The following SH3BP4 variants were observed in gnomAD, a reference collection of about 807,000 sequenced individuals.
The protein encoded by SH3BP4 is SH3 domain-binding protein 4.
SH3BP4 carries 33 observed loss-of-function variants against 65.5 expected under a neutral mutation model. The observed-to-expected ratio is 0.50, with a 90% confidence interval of 0.38 to 0.67. SH3BP4 has a LOEUF of 0.67. Among genes scored for constraint, SH3BP4 ranks in the 30% least tolerant of loss-of-function variants. The pLI is 0.00. For missense variants in SH3BP4, 1,134 were observed against 1,261.4 expected, an observed-to-expected ratio of 0.90 and a Z score of 1.53; for synonymous variants, 552 against 545.5, an observed-to-expected ratio of 1.01 and a Z score of -0.17.
chr2:235,012,250 G>A (rs988282838), intron 2 of SH3BP4, among the ~76,000 whole-genome samples: 3 of 152,132 alleles, frequency 2.0e-5, no homozygotes, highest in African/African-American at 7.2e-5. Context: ...CATCCCTGGG[G>A]TCCCTGCTGC....
intron 3 of SH3BP4, among the ~76,000 whole-genome samples, chr2:235,038,366 AATATATATACATATATATATATAT>A (rs1695503411): frequency 2.5e-5 from 1 of 39,684 alleles, no homozygotes; most frequent in African/African-American, 1.2e-4. Context: ...ATATATATAT[AATATATATACATATATATATATAT>A]ATATATATAT....
Position 235,035,300 on chromosome 2 carries a change from T to C in SH3BP4, c.118+180T>C, listed in dbSNP as rs1382096172. ...TGGAATCATAGTCACTTGTCTTATT[T>C]TTTGGTTCCCCCTTATTAGTGAAAC... On this transcript the variant is annotated intron_variant, in intron 3 of 5. Coordinates refer to ENST00000392011, the MANE Select transcript of SH3BP4 (RefSeq NM_014521.3). The surrounding 1 kb of genome is among the most constrained non-coding windows in gnomAD (Gnocchi z 5.0). Among the ~76,000 whole-genome samples the C allele has an allele frequency of 3.9e-5, 6 of 152,232 alleles. No individual in the cohort carries two copies. The East Asian group carries it at 5.8e-4, about 15-fold the overall frequency.
intron 2 of SH3BP4, among the ~76,000 whole-genome samples, chr2:235,007,003 G>A (rs139427360): frequency 5.3e-4 from 80 of 152,220 alleles, no homozygotes; most frequent in African/African-American, 1.9e-3. Flanking sequence ...AGACTTAAAC[G>A]AGCTGACGGA....
In SH3BP4 at chr2:234,982,170, C is replaced by A. The variant is rs911592863; in HGVS notation, c.-206-13133C>A. ...TTCTGGGTTTTGTCTAGAGACCTCTCCCGGCCCAGCTACACTTTGAAGCCC... is the reference window on the plus strand; with the variant it reads ...TTCTGGGTTTTGTCTAGAGACCTCTACCGGCCCAGCTACACTTTGAAGCCC... On this transcript the variant is annotated intron_variant, in intron 1 of 5. Transcript: ENST00000392011. 7.9e-5 allele frequency among the ~76,000 whole-genome samples: 12 copies of A among 152,316 alleles called. No homozygotes were observed. In the East Asian group the frequency reaches 2.3e-3, roughly 29 times the overall value.
chr2:234,967,480 C>T lies in SH3BP4; in HGVS notation c.-207+15310C>T, dbSNP rs926764526. ...CACTACACCCTGACACGTGGGCTCTCCATCTTCCCTGCCTGCTTGGAGTCT... is the reference window on the plus strand; with the variant it reads ...CACTACACCCTGACACGTGGGCTCTTCATCTTCCCTGCCTGCTTGGAGTCT... On this transcript the variant is annotated intron_variant, in intron 1 of 5. Transcript: ENST00000392011. The surrounding 1 kb of genome is among the most constrained non-coding windows in gnomAD (Gnocchi z 4.6). Among the ~76,000 whole-genome samples the T allele has an allele frequency of 2.6e-5, 4 of 152,192 alleles. No individual in the cohort carries two copies. Among genetic ancestry groups the T allele is most frequent in the Non-Finnish European group, 5.9e-5 (4 of 68,038 alleles).
intron 1 of SH3BP4, among the ~76,000 whole-genome samples, chr2:234,956,161 G>A (rs944664153): frequency 2.6e-5 from 4 of 152,142 alleles, no homozygotes; most frequent in African/African-American, 7.2e-5. Flanking sequence ...ACCTTTGTTC[G>A]TGAAACCCTC....
chr2:235,007,833 C>T (rs1192331832), intron 2 of SH3BP4, among the ~76,000 whole-genome samples: 2 of 152,134 alleles, frequency 1.3e-5, no homozygotes, highest in Non-Finnish European at 1.5e-5. Context: ...CAGAGATGCC[C>T]CTAGCCATGC....
chr2:234,961,672 A>G (rs1692718661), intron 1 of SH3BP4, among the ~76,000 whole-genome samples: 1 of 152,224 alleles, frequency 6.6e-6, no homozygotes, highest in South Asian at 2.1e-4. Context: ...TTAGATACTG[A>G]GTTAATAGAA....
chr2:235,001,336 T>C (rs1262983096), intron 2 of SH3BP4, among the ~76,000 whole-genome samples: 1 of 152,116 alleles, frequency 6.6e-6, no homozygotes, highest in African/African-American at 2.4e-5. Context: ...CTTAGAGGAT[T>C]TGCACCCTCA....
At chr2:234,955,241 T>C (rs1053090550) in intron 1 of SH3BP4, among the ~76,000 whole-genome samples, 6 of 152,156 alleles carry the variant, frequency 3.9e-5, no homozygotes, top group African/African-American at 7.2e-5. Context: ...GCTTTGCTCC[T>C]GGCCAGGAGC....
chr2:234,988,690 C>T (rs767696335), intron 1 of SH3BP4, among the ~76,000 whole-genome samples: 2 of 152,116 alleles, frequency 1.3e-5, no homozygotes, highest in Admixed American at 1.3e-4. Context: ...CGGTGCTGCG[C>T]GGGTGCCAGG....
chr2:235,044,293 C>T (rs559765055), intron 4 of SH3BP4, among the ~76,000 whole-genome samples: 7 of 152,366 alleles, frequency 4.6e-5, no homozygotes, highest in African/African-American at 9.6e-5. Flanking sequence ...CTGTGGGTTA[C>T]GCCCTGGCCC....
Position 234,983,532 on chromosome 2 carries a change from A to G in SH3BP4, c.-206-11771A>G, listed in dbSNP as rs372459478. On this transcript the variant is annotated intron_variant, in intron 1 of 5. Transcript: ENST00000392011. The stretch of plus-strand genomic sequence containing the variant: ...TTGATACGGTGTGGTCGGCTGAGTA[A>G]TCCCTTCCACAAAAAACATATTTCT... Among the ~76,000 whole-genome samples the G allele has an allele frequency of 2.0e-5, 3 of 152,294 alleles. No individual in the cohort carries two copies. In the South Asian group the frequency reaches 6.2e-4, roughly 32 times the overall value.
At chr2:234,961,997 C>T (rs528657340) in intron 1 of SH3BP4, among the ~76,000 whole-genome samples, 1 of 152,056 alleles carries the variant, frequency 6.6e-6, no homozygotes, top group Admixed American at 6.5e-5. Context: ...TGCCGGAGGC[C>T]CCTGTGCCTT....
At chr2:234,966,561 G>T (rs548107307) in intron 1 of SH3BP4, among the ~76,000 whole-genome samples, 1 of 152,330 alleles carries the variant, frequency 6.6e-6, no homozygotes, top group South Asian at 2.1e-4. Context: ...CGTGAACATA[G>T]CAAGTATCTG....
rs1021988446 is a variant in SH3BP4, at chr2:235,041,574, T to C, written c.805T>C (p.Leu269=). ...CACATCGTCGAGTTTCTTCACCGGC[T>C]TGAAATCACCTGCCCCCGAGCAATT... The part of the protein sequence containing the change: ...APTSSSFFTG[L]KSPAPEQFQS... Residue 269 remains leucine (L), a synonymous_variant, in exon 4 of 6, where the codon TTG becomes CTG. Transcript: ENST00000392011. This position sits in a 1 kb window ranked among gnomAD's most constrained non-coding sequence, Gnocchi z 6.0. The C allele has an allele frequency of 6.2e-7, 1 of 1,614,100 alleles. No individual in the cohort carries two copies. Among genetic ancestry groups the C allele is most frequent in the East Asian group, 2.2e-5 (1 of 44,872 alleles).
At chr2:234,992,592 G>A (rs1674217342) in intron 1 of SH3BP4, among the ~76,000 whole-genome samples, 1 of 150,284 alleles carries the variant, frequency 6.7e-6, no homozygotes, top group Non-Finnish European at 1.5e-5. Flanking sequence ...GCAGCACCTG[G>A]AGATGGACGC....
At chr2:235,025,294 A>G (rs927906312) in intron 2 of SH3BP4, among the ~76,000 whole-genome samples, 2 of 152,164 alleles carry the variant, frequency 1.3e-5, no homozygotes, top group African/African-American at 4.8e-5. Context: ...CCAGGAGCGC[A>G]CTAGGGAAGC....
At chr2:235,008,014 T>C (rs1488725689) in intron 2 of SH3BP4, among the ~76,000 whole-genome samples, 9 of 152,074 alleles carry the variant, frequency 5.9e-5, no homozygotes, top group African/African-American at 1.7e-4. Flanking sequence ...GCTGCACCCC[T>C]GTGGGAAAGG....
Sources: allele counts gnomAD v4.1 joint callset (sites outside exome capture counted in the v4.1 genomes callset), GRCh38; gene constraint gnomAD v4.1.1; non-coding constraint Gnocchi (gnomAD v3.1); transcripts MANE v1.5; gene names NCBI Gene and HGNC (gene_info 2026-07-23, HGNC 2026-07-21).